The following NBAS variants were observed in gnomAD, a reference collection of about 807,000 sequenced individuals.
NBAS encodes the protein NAG/BC035112 fusion.
Under a neutral mutation model 302.5 loss-of-function variants are expected in NBAS, and 219 were observed. The observed-to-expected ratio is 0.72, with a 90% CI of 0.65 to 0.81. The LOEUF (loss-of-function observed/expected upper bound fraction) is 0.81. NBAS is among the 30% of genes least tolerant of loss of function. The probability of loss-of-function intolerance (pLI) is 0.00; values close to 1 mark genes in which losing one functional copy is unlikely to be tolerated. For missense variants in NBAS, 2,932 were observed against 2,841.6 expected (o/e 1.03, Z -0.72); for synonymous variants, 1,118 against 1,021.6 (o/e 1.09, Z -1.80).
intron 30 of NBAS, among the ~76,000 whole-genome samples, chr2:15,375,677 A>G (rs1289418714): frequency 6.6e-6 from 1 of 152,222 alleles, no homozygotes; most frequent in East Asian, 1.9e-4. Flanking sequence ...AGGAATTACA[A>G]ATAAATTCTA....
chr2:15,071,350 G>A, the NBAS span, among the ~76,000 whole-genome samples: 3 of 152,210 alleles, frequency 2.0e-5, no homozygotes, highest in African/African-American at 7.2e-5. Context: ...AAGGGGCCGG[G>A]CGCGGTGGCT....
In NBAS at chr2:15,275,695, C is replaced by T; in HGVS notation, c.5513G>A (p.Gly1838Glu). The T allele has an allele frequency of 6.2e-7, 1 of 1,614,178 alleles. No individual in the cohort carries two copies. Among genetic ancestry groups the T allele is most frequent in the Non-Finnish European group, 8.5e-7 (1 of 1,180,036 alleles). Residue 1838 changes from glycine (G) to glutamate (E), a missense_variant, in exon 44 of 52, where the codon GGA (glycine) becomes GAA (glutamate). By Grantham distance (98) the Gly-to-Glu change is moderately conservative (BLOSUM62 -2). Transcript: ENST00000281513. ...KLVPKIPEKD[G>E]QMLSPSSLYT... Reference sequence around the variant, plus strand: ...CAGAGAGCTTGGGGAAAGCATCTGTCCATCCTTTTCAGGGATTTTGGGAAC... The same window carrying T: ...CAGAGAGCTTGGGGAAAGCATCTGTTCATCCTTTTCAGGGATTTTGGGAAC...
At chr2:15,043,297 G>A in the NBAS span, among the ~76,000 whole-genome samples, 1 of 152,266 alleles carries the variant, frequency 6.6e-6, no homozygotes, top group African/African-American at 2.4e-5. Flanking sequence ...TGCACGTTTA[G>A]CTTGGCTCCT....
chr2:15,517,070 G>T lies in NBAS; in HGVS notation c.747-5720C>A, dbSNP rs1014682401. Among the ~76,000 whole-genome samples, 5 of 151,778 alleles carry T rather than the reference G, an allele frequency of 3.3e-5. No individual in the cohort carries two copies. The South Asian group carries it at 8.3e-4, about 25-fold the overall frequency. Reference sequence around the variant, plus strand: ...CAAACTGCTCCAAGGAAACTATAGAGAAATTCTTGCACAGGTATATTCATC... The same window carrying T: ...CAAACTGCTCCAAGGAAACTATAGATAAATTCTTGCACAGGTATATTCATC... On this transcript the variant is annotated intron_variant, in intron 9 of 51. Transcript: ENST00000281513.
At chr2:15,350,135 T>C (rs555022183) in intron 35 of NBAS, among the ~76,000 whole-genome samples, 1 of 152,204 alleles carries the variant, frequency 6.6e-6, no homozygotes, top group East Asian at 1.9e-4. Context: ...AATGGGGTAG[T>C]TGCATATATT....
At chr2:15,087,556 T>C in the NBAS span, among the ~76,000 whole-genome samples, 2 of 151,898 alleles carry the variant, frequency 1.3e-5, no homozygotes, top group Non-Finnish European at 1.5e-5. Context: ...GGAAGAAAAA[T>C]AGTAAATGTT....
intron 28 of NBAS, among the ~76,000 whole-genome samples, chr2:15,385,099 T>G (rs578257061): frequency 6.6e-6 from 1 of 152,370 alleles, no homozygotes. Context: ...TTGTTCCACA[T>G]GCAATTAGGC....
At chr2:14,901,768 C>A in the NBAS span, among the ~76,000 whole-genome samples, 10 of 152,310 alleles carry the variant, frequency 6.6e-5, no homozygotes, top group Non-Finnish European at 1.0e-4. Flanking sequence ...CAAGTTTCAT[C>A]TCTACCAGGA....
chr2:15,434,987 TGAAGAC>T (rs1677942106), intron 21 of NBAS, among the ~76,000 whole-genome samples: 2 of 152,154 alleles, frequency 1.3e-5, no homozygotes, highest in Admixed American at 1.3e-4. Context: ...TCACATTACA[TGAAGAC>T]AAGCAGACCC....
intron 50 of NBAS, among the ~76,000 whole-genome samples, chr2:15,184,577 T>C (rs182657066): frequency 6.6e-6 from 1 of 152,252 alleles, no homozygotes; most frequent in Non-Finnish European, 1.5e-5. Flanking sequence ...GTGCCACCAC[T>C]GATACGACAG....
the NBAS span, among the ~76,000 whole-genome samples, chr2:15,132,730 C>A: frequency 4.6e-5 from 7 of 151,946 alleles, no homozygotes; most frequent in African/African-American, 1.4e-4. Flanking sequence ...TTTCTGTGAA[C>A]CTAAAACTGC....
the NBAS span, among the ~76,000 whole-genome samples, chr2:15,018,384 T>C: frequency 6.6e-6 from 1 of 152,120 alleles, no homozygotes; most frequent in Non-Finnish European, 1.5e-5. Context: ...TGTTGAAACA[T>C]CACTCTTTAC....
At chr2:15,237,778 T>A (rs1347662230) in intron 45 of NBAS, among the ~76,000 whole-genome samples, 56 of 143,662 alleles carry the variant, frequency 3.9e-4, no homozygotes, top group African/African-American at 1.4e-3. Context: ...TGTATTTTTT[T>A]TTTTTTTTTT....
the NBAS span, among the ~76,000 whole-genome samples, chr2:14,914,590 G>A: frequency 1.3e-5 from 2 of 152,346 alleles, no homozygotes; most frequent in South Asian, 4.1e-4. Flanking sequence ...ACAGATTGGG[G>A]AGGGGAACTT....
the NBAS span, among the ~76,000 whole-genome samples, chr2:14,924,466 A>G: frequency 6.6e-6 from 1 of 152,268 alleles, no homozygotes; most frequent in Non-Finnish European, 1.5e-5. Context: ...GATATATGCA[A>G]AAGGCTTCCC....
the NBAS span, among the ~76,000 whole-genome samples, chr2:14,912,496 T>C: frequency 6.6e-6 from 1 of 151,992 alleles, no homozygotes. Flanking sequence ...AAATGAAGTG[T>C]CCCATCAAGC....
At chr2:15,240,513 A>G (rs1667819351) in intron 44 of NBAS, among the ~76,000 whole-genome samples, 1 of 151,400 alleles carries the variant, frequency 6.6e-6, no homozygotes, top group Non-Finnish European at 1.5e-5. Context: ...GCTACTCAGG[A>G]GGCTGCGGCA....
the NBAS span, among the ~76,000 whole-genome samples, chr2:15,133,534 A>G: frequency 6.6e-6 from 1 of 152,204 alleles, no homozygotes; most frequent in Non-Finnish European, 1.5e-5. Context: ...CACAGCATAT[A>G]TGTCCAGTAG....
At chr2:15,441,143 G>A (rs1678374532) in intron 21 of NBAS, among the ~76,000 whole-genome samples, 1 of 152,098 alleles carries the variant, frequency 6.6e-6, no homozygotes, top group South Asian at 2.1e-4. Flanking sequence ...TCAGATTCAG[G>A]AAATACAGAG....
Sources: gnomAD v4.1 joint callset for allele counts (sites outside exome capture counted in the v4.1 genomes callset) on GRCh38, gnomAD v4.1.1 for gene constraint, MANE v1.5 for transcripts, NCBI Gene and HGNC (gene_info 2026-07-23, HGNC 2026-07-21) for gene names.